Variants in FRMD3 observed in about 807,000 individuals in gnomAD.
FRMD3 encodes FERM domain-containing protein 3.
Under a neutral mutation model 70.2 loss-of-function variants are expected in FRMD3, and 33 were observed. The ratio of observed to expected loss-of-function variants is 0.47; its 90% CI spans 0.36 to 0.63. The LOEUF is 0.63. Ranked by LOEUF, FRMD3 falls within the 20% of genes least tolerant of loss-of-function variation. The pLI, the probability that FRMD3 is intolerant of heterozygous loss-of-function variation, is 0.00. For missense variants in FRMD3, 632 were observed against 711.4 expected (o/e 0.89, Z 1.27); for synonymous variants, 279 against 255.9 (o/e 1.09, Z -0.86).
In FRMD3 at chr9:83,378,600, TATA is replaced by T. The variant is rs929968715; in HGVS notation, c.253-5648_253-5646del. On this transcript the variant is annotated intron_variant, in intron 2 of 13. Transcript: ENST00000304195. Reference sequence around the variant, plus strand: ...ATAAAATTTATATATACAATATACATATAAAATTTATATATATTATACATAATT... The same window carrying T: ...ATAAAATTTATATATACAATATACATAAATTTATATATATTATACATAATT... Among the ~76,000 whole-genome samples, 57 of 132,130 alleles carry T rather than the reference TATA, an allele frequency of 4.3e-4. 2 individuals carry two copies. The highest frequency in any genetic ancestry group is 1.6e-3 in the African/African-American group (54 of 34,806). 86.7% of individuals were successfully genotyped at this position (132,130 alleles called of 152,430 possible).
At chr9:83,461,665 C>CTTTTTTTTTTTTTTTTTTTTT (rs200147815) in intron 1 of FRMD3, among the ~76,000 whole-genome samples, 1 of 70,696 alleles carries the variant, frequency 1.4e-5, no homozygotes, top group African/African-American at 6.1e-5. Flanking sequence ...AGGAATTTCC[C>CTTTTTTTTTTTTTTTTTTTTT]TTTTTTTTTT....
Position 83,251,933 on chromosome 9 carries a change from C to A in FRMD3, c.1196-3417G>T, listed in dbSNP as rs1268670207. Among the ~76,000 whole-genome samples the A allele has an allele frequency of 2.0e-5, 3 of 152,100 alleles. No homozygotes were observed. In the East Asian group the frequency reaches 5.8e-4, roughly 29 times the overall value. On this transcript the variant is annotated intron_variant, in intron 13 of 13. Coordinates refer to ENST00000304195, the MANE Select transcript of FRMD3 (RefSeq NM_174938.6). ...CTGAAAGATACAGGAAGAATGGAACCAAGTTAGAAAATATACTTCAGGATA... is the reference window on the plus strand; with the variant it reads ...CTGAAAGATACAGGAAGAATGGAACAAAGTTAGAAAATATACTTCAGGATA...
At position 83,247,440 on chromosome 9, in the gene FRMD3, T is replaced by TA. The variant is rs1832163232; in HGVS notation, c.*477dup. On this transcript the variant is annotated 3_prime_UTR_variant, in exon 14 of 14. Transcript: ENST00000304195. ...TAGTTTGAACACATAAAAATATTTT[T>TA]AAAAAAACAGAACCAAAAACCCAGC... The TA allele has an allele frequency of 3.1e-6, 3 of 982,764 alleles. No individual in the cohort carries two copies. Among genetic ancestry groups the TA allele is most frequent in the Admixed American group, 6.2e-5 (1 of 16,242 alleles). The allele number at this position is 982,764 out of a possible 1,614,324, so 60.9% of individuals were successfully genotyped here.
the FRMD3 span, among the ~76,000 whole-genome samples, chr9:83,553,184 T>A: frequency 6.6e-6 from 1 of 152,224 alleles, no homozygotes; most frequent in African/African-American, 2.4e-5. Flanking sequence ...ATGAATTCCC[T>A]CAACATTTGC....
At chr9:83,317,036 TA>T (rs904132766) in intron 6 of FRMD3, among the ~76,000 whole-genome samples, 3 of 152,012 alleles carry the variant, frequency 2.0e-5, no homozygotes, top group African/African-American at 7.2e-5. Context: ...AGGTCACTTC[TA>T]AAAAAATTTT....
At chr9:83,415,599 C>T (rs572709216) in intron 1 of FRMD3, among the ~76,000 whole-genome samples, 2 of 148,920 alleles carry the variant, frequency 1.3e-5, no homozygotes, top group South Asian at 2.2e-4. Context: ...CCCACCACCA[C>T]GACTGACTAA....
At chr9:83,356,756 C>T (rs1041210803) in intron 3 of FRMD3, among the ~76,000 whole-genome samples, 5 of 151,446 alleles carry the variant, frequency 3.3e-5, no homozygotes, top group Admixed American at 2.6e-4. Flanking sequence ...TTTTTTATTT[C>T]GATAGGTTTT....
At chr9:83,406,217 T>C (rs7035287) in intron 1 of FRMD3, among the ~76,000 whole-genome samples, 66,924 of 151,854 alleles carry the variant, frequency 0.44, 15,816 homozygotes, top group African/African-American at 0.62. Flanking sequence ...TTCCCTGCTT[T>C]CCCCTCCCTC....
intron 3 of FRMD3, among the ~76,000 whole-genome samples, chr9:83,364,469 T>C (rs1380438106): frequency 2.6e-5 from 4 of 151,958 alleles, no homozygotes; most frequent in Admixed American, 2.6e-4. Flanking sequence ...GGCAGGAGAA[T>C]TGCTTGAACC....
the FRMD3 span, among the ~76,000 whole-genome samples, chr9:83,556,581 G>C: frequency 6.6e-6 from 1 of 151,910 alleles, no homozygotes; most frequent in Non-Finnish European, 1.5e-5. Flanking sequence ...GATATTATTT[G>C]CTATTAAATG....
chr9:83,393,937 T>TTG lies in FRMD3; in HGVS notation c.148-4230_148-4229insCA, dbSNP rs1554698344. On this transcript the variant is annotated intron_variant, in intron 1 of 13. Coordinates refer to ENST00000304195, the MANE Select transcript of FRMD3 (RefSeq NM_174938.6). ...GTGTGTGTTTTTGATTTTGTTTTTT[T>TTG]TTGTTGTTGTTGTTTTTTTTTACAA... Among the ~76,000 whole-genome samples, 164 of 117,030 alleles carry TTG rather than the reference T, an allele frequency of 1.4e-3. 1 individual carries two copies. Among genetic ancestry groups the TTG allele is most frequent in the East Asian group, 4.0e-3 (20 of 4,954 alleles). The allele number at this position is 117,030 out of a possible 152,430, so 76.8% of individuals were successfully genotyped here. A position where few individuals can be genotyped will look rare whatever the true frequency, so the allele number is the denominator to read the frequency against.
intron 13 of FRMD3, among the ~76,000 whole-genome samples, chr9:83,280,885 T>A (rs1833954752): frequency 6.6e-6 from 1 of 152,016 alleles, no homozygotes; most frequent in Non-Finnish European, 1.5e-5. Context: ...GACCTCCAAT[T>A]CACCATCTGC....
chr9:83,428,812 CA>C (rs930980138), intron 1 of FRMD3, among the ~76,000 whole-genome samples: 2 of 152,232 alleles, frequency 1.3e-5, no homozygotes, highest in East Asian at 3.9e-4. Flanking sequence ...TTCTTCCTAC[CA>C]TATCAAGTTC....
chr9:83,482,226 T>C (rs926093634), intron 1 of FRMD3, among the ~76,000 whole-genome samples: 3 of 152,186 alleles, frequency 2.0e-5, no homozygotes, highest in African/African-American at 4.8e-5. Flanking sequence ...GTTTGAAAAC[T>C]TTGAAGAATA....
chr9:83,246,277 A>G lies in FRMD3; in HGVS notation c.*1641T>C. 4.1e-6 allele frequency: 4 copies of G among 984,978 alleles called. No individual in the cohort carries two copies. The highest frequency in any genetic ancestry group is 4.8e-6 in the Non-Finnish European group (4 of 829,570). The allele number at this position is 984,978 out of a possible 1,614,324, so 61.0% of individuals were successfully genotyped here. ...ACAGAGAAGCTCTATGCTCCATGGC[A>G]TAAGTTCTAGACTCTTATCTTTCTC... On this transcript the variant is annotated 3_prime_UTR_variant, in exon 14 of 14. Transcript: ENST00000304195.
intron 1 of FRMD3, among the ~76,000 whole-genome samples, chr9:83,510,391 A>C (rs939429004): frequency 6.6e-6 from 1 of 152,238 alleles, no homozygotes; most frequent in Admixed American, 6.5e-5. Flanking sequence ...ACTGATGGGC[A>C]TGTGGAGATG....
At chr9:83,422,782 A>C (rs556192086) in intron 1 of FRMD3, among the ~76,000 whole-genome samples, 1 of 152,342 alleles carries the variant, frequency 6.6e-6, no homozygotes, top group East Asian at 1.9e-4. Context: ...AATTTGATCA[A>C]AAGAATTTTA....
chr9:83,444,728 G>A (rs1827405778), intron 1 of FRMD3, among the ~76,000 whole-genome samples: 1 of 152,200 alleles, frequency 6.6e-6, no homozygotes, highest in Non-Finnish European at 1.5e-5. Flanking sequence ...TGCCTTTGCT[G>A]TAAGATGCTC....
chr9:83,505,820 A>G (rs932197207), intron 1 of FRMD3, among the ~76,000 whole-genome samples: 21 of 152,310 alleles, frequency 1.4e-4, no homozygotes, highest in African/African-American at 5.1e-4. Context: ...ATTTTCCTGC[A>G]TCGCATGTTT....
Sources: allele counts gnomAD v4.1 joint callset (sites outside exome capture counted in the v4.1 genomes callset), GRCh38; gene constraint gnomAD v4.1.1; transcripts MANE v1.5; gene names NCBI Gene and HGNC (gene_info 2026-07-23, HGNC 2026-07-21).